SLC5A1: variants seen among roughly 807,000 people sequenced by gnomAD.
SLC5A1 encodes the protein sodium/glucose cotransporter 1.
In SLC5A1, 42 loss-of-function variants were observed where a neutral mutation model predicts 73.5. The observed-to-expected ratio is 0.57, with a 90% CI of 0.45 to 0.74. The LOEUF (loss-of-function observed/expected upper bound fraction) is 0.74. Among genes scored for constraint, SLC5A1 ranks in the 30% least tolerant of loss-of-function variants. The pLI, the probability that SLC5A1 is intolerant of heterozygous loss-of-function variation, is 0.00. For missense variants in SLC5A1, 634 were observed against 855.4 expected (o/e 0.74, Z 3.23); for synonymous variants, 300 against 317.4 (o/e 0.95, Z 0.58).
At chr22:32,102,492 T>C (rs2094038340) in intron 13 of SLC5A1, among the ~76,000 whole-genome samples, 1 of 152,106 alleles carries the variant, frequency 6.6e-6, no homozygotes, top group Non-Finnish European at 1.5e-5. Flanking sequence ...AAAATACAGA[T>C]TATGGTGGCT....
chr22:32,057,386 C>G (rs1336995616), intron 2 of SLC5A1, among the ~76,000 whole-genome samples: 1 of 152,146 alleles, frequency 6.6e-6, no homozygotes, highest in African/African-American at 2.4e-5. Context: ...CCTTCCTCAG[C>G]CTCCCGAGTA....
chr22:32,091,540 C>A, intron 10 of SLC5A1, 72 bp from the exon 11 acceptor site: 1 of 1,547,034 alleles, frequency 6.5e-7, no homozygotes, highest in South Asian at 1.1e-5. Flanking sequence ...AATCTTGAGT[C>A]CTCATATATT....
At chr22:32,056,396 G>GTTTT (rs1848864078) in intron 2 of SLC5A1, among the ~76,000 whole-genome samples, 1 of 145,144 alleles carries the variant, frequency 6.9e-6, no homozygotes, top group Admixed American at 6.9e-5. Context: ...AGGATGCCCA[G>GTTTT]TTAAATCTGA....
In SLC5A1 at chr22:32,112,689, A is replaced by G. The variant is rs1354431452; in HGVS notation, c.*2476A>G. The G allele has an allele frequency of 6.6e-6, 1 of 152,212 alleles. No individual in the cohort carries two copies. The highest frequency in any genetic ancestry group is 1.5e-5 in the Non-Finnish European group (1 of 68,036). 9.4% of individuals were successfully genotyped at this position (152,212 alleles called of 1,614,324 possible). On this transcript the variant is annotated 3_prime_UTR_variant, in exon 15 of 15. Coordinates refer to ENST00000266088, the MANE Select transcript of SLC5A1 (RefSeq NM_000343.4). The stretch of plus-strand genomic sequence containing the variant: ...TGATATGTAGAATCTTAAAAAGTCA[A>G]ACTCAGAAGCAGAGAGTAGAATGAT...
chr22:32,058,994 C>G (rs2093956152), intron 2 of SLC5A1, among the ~76,000 whole-genome samples: 1 of 152,196 alleles, frequency 6.6e-6, no homozygotes, highest in Admixed American at 6.5e-5. Context: ...TGTTGTTTCC[C>G]CAAGTGGAAC....
intron 5 of SLC5A1, among the ~76,000 whole-genome samples, chr22:32,074,549 G>A (rs1479563453): frequency 1.3e-5 from 2 of 152,110 alleles, no homozygotes; most frequent in African/African-American, 4.8e-5. Flanking sequence ...GGAAGCTGAA[G>A]CCTGATTTCT....
At chr22:32,049,091 A>AATAT (rs34960379) in intron 1 of SLC5A1, among the ~76,000 whole-genome samples, 59 of 129,042 alleles carry the variant, frequency 4.6e-4, no homozygotes, top group South Asian at 7.4e-4. Flanking sequence ...TAAATAAATA[A>AATAT]ATATATATAT....
At chr22:32,053,112 G>A (rs1379685547) in intron 2 of SLC5A1, among the ~76,000 whole-genome samples, 1 of 152,160 alleles carries the variant, frequency 6.6e-6, no homozygotes, top group Non-Finnish European at 1.5e-5. Context: ...AGTTTGGTGT[G>A]GCTATGTTTC....
intron 14 of SLC5A1, among the ~76,000 whole-genome samples, chr22:32,108,205 C>T (rs896011848): frequency 1.3e-5 from 2 of 151,498 alleles, no homozygotes; most frequent in Non-Finnish European, 2.9e-5. Context: ...CTCCCGGGTT[C>T]ACGCCATTCT....
At chr22:32,070,840 AAGGTG>A (rs2093981828) in intron 5 of SLC5A1, among the ~76,000 whole-genome samples, 5 of 152,200 alleles carry the variant, frequency 3.3e-5, no homozygotes, top group African/African-American at 1.2e-4. Flanking sequence ...TTTTGTCCCC[AAGGTG>A]ACTGTCAGTC....
At chr22:32,059,016 T>C (rs1379137599) in intron 2 of SLC5A1, among the ~76,000 whole-genome samples, 4 of 152,246 alleles carry the variant, frequency 2.6e-5, no homozygotes, top group African/African-American at 9.6e-5. Context: ...TTCAAAGATT[T>C]GATATCACTT....
intron 5 of SLC5A1, among the ~76,000 whole-genome samples, chr22:32,080,373 T>G (rs1412583369): frequency 6.6e-6 from 1 of 151,524 alleles, no homozygotes; most frequent in Non-Finnish European, 1.5e-5. Flanking sequence ...AAGCATGGAG[T>G]TGGTATTAGA....
chr22:32,055,657 C>G (rs1388181571), intron 2 of SLC5A1, among the ~76,000 whole-genome samples: 1 of 152,180 alleles, frequency 6.6e-6, no homozygotes, highest in Non-Finnish European at 1.5e-5. Context: ...TCCCTGTGCC[C>G]CTGGGACTTC....
In SLC5A1 at chr22:32,091,733, A is replaced by T. The variant is rs1183182869; in HGVS notation, c.1251A>T (p.Ala417=). The change falls in exon 11 of 15, where the codon GCA becomes GCT. Residue 417 remains alanine (A), a synonymous_variant. Transcript: ENST00000266088. Reference sequence around the variant, plus strand: ...TCTACGCCAAGGTCCGCAAGAGAGCATCTGAGAAAGAGCTCATGATTGCCG... The same window carrying T: ...TCTACGCCAAGGTCCGCAAGAGAGCTTCTGAGAAAGAGCTCATGATTGCCG... The part of the protein sequence containing the change: ...MDIYAKVRKR[A]SEKELMIAGR... 6.2e-7 allele frequency: 1 copy of T among 1,614,020 alleles called. No individual in the cohort carries two copies. Among genetic ancestry groups the T allele is most frequent in the Non-Finnish European group, 8.5e-7 (1 of 1,179,982 alleles).
At position 32,111,152 on chromosome 22, in the gene SLC5A1, T is replaced by C. The variant is rs955539541; in HGVS notation, c.*939T>C. The C allele has an allele frequency of 3.3e-5, 5 of 152,184 alleles. No homozygotes were observed. Among genetic ancestry groups the C allele is most frequent in the African/African-American group, 9.7e-5 (4 of 41,432 alleles). 9.4% of individuals were successfully genotyped at this position (152,184 alleles called of 1,614,324 possible). On this transcript the variant is annotated 3_prime_UTR_variant, in exon 15 of 15. Transcript: ENST00000266088. ...ACTGATTATATTAGTTTTCTAGGGA[T>C]GCCATAACAAAGTAGCACAGACCAG... is the stretch of plus-strand genomic sequence containing the variant.
In SLC5A1 at chr22:32,111,025, C is replaced by A. The variant is rs561993384; in HGVS notation, c.*812C>A. ...ATGACATAGGCATTTATTTTTAAAT[C>A]TTTGCTTGCTTTTTACATGAGCCTG... On this transcript the variant is annotated 3_prime_UTR_variant, in exon 15 of 15. Transcript: ENST00000266088. The A allele has an allele frequency of 1.3e-5, 2 of 152,372 alleles. No individual in the cohort carries two copies. The highest frequency in any genetic ancestry group is 2.1e-4 in the South Asian group (1 of 4,818). 9.4% of individuals were successfully genotyped at this position (152,372 alleles called of 1,614,324 possible).
intron 2 of SLC5A1, among the ~76,000 whole-genome samples, chr22:32,056,624 G>A (rs1288067378): frequency 6.6e-6 from 1 of 151,702 alleles, no homozygotes; most frequent in Non-Finnish European, 1.5e-5. Context: ...TCCCAAGGGA[G>A]GAGTCCAGCA....
At chr22:32,059,351 G>A in intron 2 of SLC5A1, 2 of 985,540 alleles carry the variant, frequency 2.0e-6, no homozygotes, top group African/African-American at 3.5e-5. Flanking sequence ...TGAGGTAAGA[G>A]ATTGGAGGAT....
intron 5 of SLC5A1, among the ~76,000 whole-genome samples, chr22:32,074,626 G>A (rs2093987920): frequency 1.3e-5 from 2 of 152,128 alleles, no homozygotes; most frequent in Admixed American, 6.5e-5. Flanking sequence ...AGACTGAAAA[G>A]CCCAGGCTTT....
Sources: gnomAD v4.1 joint callset for allele counts (sites outside exome capture counted in the v4.1 genomes callset) on GRCh38, gnomAD v4.1.1 for gene constraint, MANE v1.5 for transcripts, NCBI Gene and HGNC (gene_info 2026-07-23, HGNC 2026-07-21) for gene names.